Variants in SEMA6D observed in about 807,000 individuals in gnomAD.
SEMA6D encodes semaphorin-6D.
A neutral mutation model predicts 106.6 loss-of-function variants in SEMA6D; 35 were observed. The ratio of observed to expected loss-of-function variants is 0.33; its 90% CI spans 0.25 to 0.44. SEMA6D has a LOEUF of 0.44. SEMA6D is among the 20% of genes least tolerant of loss of function. SEMA6D has a pLI of 1.00. For synonymous variants in SEMA6D, 499 were observed against 487.7 expected (o/e 1.02, Z -0.31); for missense variants, 1,185 against 1,345.9 (o/e 0.88, Z 1.87).
intron 4 of SEMA6D, among the ~76,000 whole-genome samples, chr15:47,708,355 C>G (rs2078953050): frequency 6.6e-6 from 1 of 152,166 alleles, no homozygotes; most frequent in Admixed American, 6.5e-5. Context: ...CCTGATTCTG[C>G]TGCCCTCTCT....
intron 1 of SEMA6D, among the ~76,000 whole-genome samples, chr15:47,363,799 T>G (rs2038904733): frequency 6.6e-6 from 1 of 152,160 alleles, no homozygotes; most frequent in African/African-American, 2.4e-5. Context: ...GGAAAGAGGT[T>G]TAATTAACTT....
chr15:47,499,764 C>CTAAA (rs2043786677), intron 3 of SEMA6D, among the ~76,000 whole-genome samples: 1 of 152,028 alleles, frequency 6.6e-6, no homozygotes, highest in Admixed American at 6.6e-5. Flanking sequence ...AATTGCAGTT[C>CTAAA]TAAAGCTTTT....
chr15:47,569,744 A>G (rs1449532598), intron 3 of SEMA6D, among the ~76,000 whole-genome samples: 6 of 152,150 alleles, frequency 3.9e-5, no homozygotes, highest in Non-Finnish European at 7.3e-5. Flanking sequence ...AATTTAGTAA[A>G]TTATCTTGCT....
intron 1 of SEMA6D, among the ~76,000 whole-genome samples, chr15:47,377,107 A>G (rs754016406): frequency 6.6e-6 from 1 of 152,222 alleles, no homozygotes; most frequent in Non-Finnish European, 1.5e-5. Flanking sequence ...ATACAATTGT[A>G]AATAATTTAT....
At chr15:47,681,849 TGAA>T (rs1404810779) in intron 4 of SEMA6D, among the ~76,000 whole-genome samples, 1 of 152,204 alleles carries the variant, frequency 6.6e-6, no homozygotes, top group Non-Finnish European at 1.5e-5. Flanking sequence ...CTTCTCCATC[TGAA>T]GAAGAGATCA....
At chr15:47,705,658 C>G (rs1340775674) in intron 4 of SEMA6D, among the ~76,000 whole-genome samples, 2 of 152,148 alleles carry the variant, frequency 1.3e-5, no homozygotes, top group Non-Finnish European at 1.5e-5. Flanking sequence ...ACAGGCCTTT[C>G]CAACCAGTGT....
chr15:47,754,495 TCTA>T, intron 1 of SEMA6D, among the ~76,000 whole-genome samples: 1 of 152,356 alleles, frequency 6.6e-6, no homozygotes, highest in African/African-American at 2.4e-5. Flanking sequence ...TTCCATTGTT[TCTA>T]CTGATAAGTC....
chr15:47,427,693 T>C (rs1193533381), intron 2 of SEMA6D, among the ~76,000 whole-genome samples: 1 of 152,148 alleles, frequency 6.6e-6, no homozygotes, highest in African/African-American at 2.4e-5. Flanking sequence ...TAACTCACAG[T>C]GAGTCATTGA....
intron 3 of SEMA6D, among the ~76,000 whole-genome samples, chr15:47,565,196 C>T (rs2046194205): frequency 6.6e-6 from 1 of 152,248 alleles, no homozygotes; most frequent in Non-Finnish European, 1.5e-5. Context: ...CCCACTGGGG[C>T]TGCAGGAGTC....
At chr15:47,562,632 G>A (rs531903269) in intron 3 of SEMA6D, among the ~76,000 whole-genome samples, 1 of 151,960 alleles carries the variant, frequency 6.6e-6, no homozygotes, top group Non-Finnish European at 1.5e-5. Context: ...AGGGAGATGC[G>A]AATTAAAATC....
chr15:47,474,784 AG>A (rs1363596362), intron 3 of SEMA6D, among the ~76,000 whole-genome samples: 1 of 152,220 alleles, frequency 6.6e-6, no homozygotes, highest in Non-Finnish European at 1.5e-5. Context: ...GCAATCAGAC[AG>A]GACACTGTGA....
intron 3 of SEMA6D, among the ~76,000 whole-genome samples, chr15:47,586,736 C>T (rs1295578567): frequency 3.3e-5 from 5 of 152,148 alleles, no homozygotes; most frequent in African/African-American, 4.8e-5. Context: ...GAATTGTCTT[C>T]GAAGAAAAAT....
chr15:47,621,182 C>T (rs2077091175), intron 4 of SEMA6D, among the ~76,000 whole-genome samples: 1 of 152,128 alleles, frequency 6.6e-6, no homozygotes, highest in Non-Finnish European at 1.5e-5. Context: ...TGCATGCATG[C>T]TCAAGCACCC....
At chr15:47,551,893 A>G (rs1361847731) in intron 3 of SEMA6D, among the ~76,000 whole-genome samples, 1 of 152,150 alleles carries the variant, frequency 6.6e-6, no homozygotes, top group Non-Finnish European at 1.5e-5. Flanking sequence ...ATGAACTTAT[A>G]TATTGCTAGA....
intron 3 of SEMA6D, among the ~76,000 whole-genome samples, chr15:47,600,163 G>A (rs541085912): frequency 1.2e-4 from 18 of 152,224 alleles, no homozygotes; most frequent in South Asian, 1.0e-3. Flanking sequence ...AGAACCAGGC[G>A]TGGTGTTTGG....
intron 2 of SEMA6D, among the ~76,000 whole-genome samples, chr15:47,423,230 C>G (rs1314027984): frequency 6.6e-6 from 1 of 151,830 alleles, no homozygotes; most frequent in Non-Finnish European, 1.5e-5. Context: ...AACCCAAGCA[C>G]TACCTGCTTT....
chr15:47,732,706 G>A (rs1031776269), intron 1 of SEMA6D, among the ~76,000 whole-genome samples: 1 of 152,064 alleles, frequency 6.6e-6, no homozygotes, highest in Non-Finnish European at 1.5e-5. Flanking sequence ...ACTATTCAAA[G>A]TTTGGTGTTT....
At chr15:47,474,011 C>T (rs758667077) in intron 3 of SEMA6D, among the ~76,000 whole-genome samples, 3 of 152,164 alleles carry the variant, frequency 2.0e-5, no homozygotes, top group African/African-American at 7.2e-5. Flanking sequence ...CCTGGGAAGG[C>T]TGTCCACAGG....
chr15:47,673,708 G>A (rs1174897638), intron 4 of SEMA6D, among the ~76,000 whole-genome samples: 2 of 152,142 alleles, frequency 1.3e-5, no homozygotes, highest in African/African-American at 4.8e-5. Flanking sequence ...TCACGTGGGG[G>A]GAGAATTAGC....
Sources: gnomAD v4.1 joint callset for allele counts (sites outside exome capture counted in the v4.1 genomes callset) on GRCh38, gnomAD v4.1.1 for gene constraint, MANE v1.5 for transcripts, NCBI Gene and HGNC (gene_info 2026-07-23, HGNC 2026-07-21) for gene names.